KCNIP4: variants seen among roughly 807,000 people sequenced by gnomAD.
KCNIP4 encodes the protein Kv channel-interacting protein 4.
In KCNIP4, 12 loss-of-function variants were observed where a neutral mutation model predicts 34.0. That is an observed-to-expected ratio of 0.35 (90% confidence interval 0.23 to 0.57). The LOEUF is 0.57. Ranked by LOEUF, KCNIP4 falls within the 20% of genes least tolerant of loss-of-function variation. The pLI, the probability that KCNIP4 is intolerant of heterozygous loss-of-function variation, is 0.83. For missense variants in KCNIP4, 238 were observed against 311.7 expected (o/e 0.76, Z 1.78); for synonymous variants, 124 against 102.2 (o/e 1.21, Z -1.29).
At chr4:20,856,752 A>G (rs1223720097) in intron 2 of KCNIP4, among the ~76,000 whole-genome samples, 1 of 152,144 alleles carries the variant, frequency 6.6e-6, no homozygotes, top group Non-Finnish European at 1.5e-5. Flanking sequence ...CAGAATCACT[A>G]TGTTCTCTAT....
intron 3 of KCNIP4, among the ~76,000 whole-genome samples, chr4:20,760,820 G>GA (rs758390077): frequency 7.9e-5 from 12 of 151,998 alleles, no homozygotes; most frequent in African/African-American, 1.7e-4. Flanking sequence ...TTGGAGTAAA[G>GA]AAAAAAACAA....
chr4:21,946,358 T>C (rs566165192), intron 1 of KCNIP4, among the ~76,000 whole-genome samples: 2 of 152,294 alleles, frequency 1.3e-5, no homozygotes, highest in African/African-American at 2.4e-5. Flanking sequence ...CAGAGATATA[T>C]ATTCAAGGAA....
Position 21,255,739 on chromosome 4 carries a change from G to A in KCNIP4, c.62-373030C>T, listed in dbSNP as rs1187399510. On this transcript the variant is annotated intron_variant, in intron 1 of 8. Transcript: ENST00000382152. ...TGTGCTCATTGAACAGACATTTGTT[G>A]CACATCTCTTGTATGCACAGTACTG... Among the ~76,000 whole-genome samples, 10 of 152,130 alleles carry A rather than the reference G, an allele frequency of 6.6e-5. No individual in the cohort carries two copies. In the East Asian group the frequency reaches 1.9e-3, roughly 29 times the overall value.
intron 1 of KCNIP4, among the ~76,000 whole-genome samples, chr4:21,795,468 A>C (rs1560720269): frequency 6.6e-6 from 1 of 152,156 alleles, no homozygotes; most frequent in Non-Finnish European, 1.5e-5. Flanking sequence ...AATGTCTATG[A>C]GGCAAAGTGA....
chr4:20,796,448 G>C (rs868519017), intron 3 of KCNIP4, among the ~76,000 whole-genome samples: 9 of 152,138 alleles, frequency 5.9e-5, no homozygotes, highest in African/African-American at 1.9e-4. Flanking sequence ...ATGAAGTAGT[G>C]TGTGTAATGT....
chr4:21,328,541 C>T (rs187649452), intron 1 of KCNIP4, among the ~76,000 whole-genome samples: 1 of 152,270 alleles, frequency 6.6e-6, no homozygotes, highest in Non-Finnish European at 1.5e-5. Flanking sequence ...AGCACTGGTG[C>T]CTTATTTACT....
intron 1 of KCNIP4, among the ~76,000 whole-genome samples, chr4:21,687,646 G>A (rs2109036254): frequency 6.6e-6 from 1 of 152,258 alleles, no homozygotes; most frequent in East Asian, 1.9e-4. Flanking sequence ...CAGCTTGTGT[G>A]GGACAGTTTG....
At chr4:20,931,239 A>G (rs920269263) in intron 1 of KCNIP4, among the ~76,000 whole-genome samples, 1 of 151,960 alleles carries the variant, frequency 6.6e-6, no homozygotes, top group East Asian at 1.9e-4. Flanking sequence ...TTCTTCAGCC[A>G]TAAAAAAAGG....
At chr4:20,965,148 A>G (rs1200157041) in intron 1 of KCNIP4, among the ~76,000 whole-genome samples, 2 of 150,972 alleles carry the variant, frequency 1.3e-5, no homozygotes, top group African/African-American at 4.9e-5. Context: ...ATCCATATTT[A>G]GAAGAAGCCT....
intron 1 of KCNIP4, among the ~76,000 whole-genome samples, chr4:21,907,022 C>T (rs1015809839): frequency 1.2e-4 from 19 of 152,266 alleles, no homozygotes; most frequent in African/African-American, 3.4e-4. Context: ...ATTTACTCTC[C>T]TATGGATGGA....
intron 1 of KCNIP4, among the ~76,000 whole-genome samples, chr4:21,095,141 G>T (rs1470010431): frequency 6.6e-6 from 1 of 152,206 alleles, no homozygotes; most frequent in Non-Finnish European, 1.5e-5. Context: ...TTAAGATAAA[G>T]ATCAGACACT....
At position 21,343,388 on chromosome 4, in the gene KCNIP4, G is replaced by A. The variant is rs193234881; in HGVS notation, c.62-460679C>T. Among the ~76,000 whole-genome samples the A allele has an allele frequency of 3.3e-5, 5 of 152,064 alleles. 1 individual carries two copies. In the East Asian group the frequency reaches 7.8e-4, roughly 24 times the overall value. On this transcript the variant is annotated intron_variant, in intron 1 of 8. Coordinates refer to ENST00000382152, the MANE Select transcript of KCNIP4 (RefSeq NM_025221.6). ...TGAGGAGAGATGCCAGAGGAAATTC[G>A]GAAAGAAAGAAATCTATGTACTATG...
At position 21,201,684 on chromosome 4, in the gene KCNIP4, G is replaced by A. The variant is rs1756508013; in HGVS notation, c.62-318975C>T. ...TGGCTAATTTTTTGTGTTTTTAGTA[G>A]AGACAGGGTTTCACCATGTTAGCCA... On this transcript the variant is annotated intron_variant, in intron 1 of 8. Transcript: ENST00000382152. Among the ~76,000 whole-genome samples, 4 of 152,068 alleles carry A rather than the reference G, an allele frequency of 2.6e-5. No homozygotes were observed. The South Asian group carries it at 8.3e-4, about 32-fold the overall frequency.
intron 1 of KCNIP4, among the ~76,000 whole-genome samples, chr4:20,958,260 C>G (rs1733508346): frequency 6.6e-6 from 1 of 152,180 alleles, no homozygotes; most frequent in Admixed American, 6.5e-5. Flanking sequence ...AGTGAAGTTC[C>G]TCTTTCAGAG....
At chr4:21,475,516 T>C (rs1730878303) in intron 1 of KCNIP4, among the ~76,000 whole-genome samples, 2 of 152,186 alleles carry the variant, frequency 1.3e-5, no homozygotes, top group Non-Finnish European at 1.5e-5. Context: ...AATGTTGTCA[T>C]TTGACATTAA....
chr4:21,347,697 C>T (rs1430846029), intron 1 of KCNIP4, among the ~76,000 whole-genome samples: 1 of 152,164 alleles, frequency 6.6e-6, no homozygotes, highest in African/African-American at 2.4e-5. Context: ...GAGTATAGTG[C>T]TTGGCACATT....
intron 1 of KCNIP4, among the ~76,000 whole-genome samples, chr4:21,346,411 A>C (rs951582436): frequency 7.4e-5 from 11 of 147,880 alleles, no homozygotes; most frequent in Admixed American, 1.4e-4. Context: ...TCTTCATATC[A>C]TGAGTTCTAA....
At chr4:21,829,140 TGCAAAA>T (rs1722834777) in intron 1 of KCNIP4, among the ~76,000 whole-genome samples, 1 of 152,024 alleles carries the variant, frequency 6.6e-6, no homozygotes. Flanking sequence ...TTTACAATGG[TGCAAAA>T]GCAATCTTTG....
chr4:21,236,916 G>T (rs146505593), intron 1 of KCNIP4, among the ~76,000 whole-genome samples: 2 of 150,890 alleles, frequency 1.3e-5, no homozygotes, highest in Non-Finnish European at 2.9e-5. Flanking sequence ...CTGAGGCAGA[G>T]AATTGCTTGA....
Sources: allele counts gnomAD v4.1 joint callset (sites outside exome capture counted in the v4.1 genomes callset), GRCh38; gene constraint gnomAD v4.1.1; transcripts MANE v1.5; gene names NCBI Gene and HGNC (gene_info 2026-07-23, HGNC 2026-07-21).